Variants in SYNJ2 observed in about 807,000 individuals in gnomAD.
The protein encoded by SYNJ2 is synaptojanin 2, also known as polyphosphatidylinositol phosphatase SYNJ2.
Under a neutral mutation model 141.3 loss-of-function variants are expected in SYNJ2, and 116 were observed. The ratio of observed to expected loss-of-function variants is 0.82; its 90% CI spans 0.71 to 0.96. The LOEUF (loss-of-function observed/expected upper bound fraction) is 0.96. Among genes scored for constraint, SYNJ2 ranks in the 40% least tolerant of loss-of-function variants. The probability of loss-of-function intolerance (pLI) is 0.00; values close to 1 mark genes in which losing one functional copy is unlikely to be tolerated. For synonymous variants in SYNJ2, 745 were observed against 777.7 expected, an observed-to-expected ratio of 0.96 and a Z score of 0.70; for missense variants, 1,873 against 1,934.8, an observed-to-expected ratio of 0.97 and a Z score of 0.60.
rs1783752548 is a variant in SYNJ2, at chr6:158,095,674, C to T, written c.3801C>T (p.Pro1267=). ...AGACTGTCCATTTTACAATCGGGCCCCCGGAGACAAGCGTTGAGGCCCCTC... is the reference window on the plus strand; with the variant it reads ...AGACTGTCCATTTTACAATCGGGCCTCCGGAGACAAGCGTTGAGGCCCCTC... ...EQQTVHFTIG[P]PETSVEAPPV... is the part of the protein sequence containing the mutation. Residue 1267 remains proline (P), a synonymous_variant, in exon 27 of 27, where the codon CCC becomes CCT. Coordinates refer to ENST00000355585, the MANE Select transcript of SYNJ2 (RefSeq NM_003898.4). The T allele has an allele frequency of 1.9e-6, 3 of 1,613,612 alleles. No homozygotes were observed. Among genetic ancestry groups the T allele is most frequent in the East Asian group, 2.2e-5 (1 of 44,878 alleles).
At chr6:158,016,174 C>G (rs774194530) in intron 1 of SYNJ2, among the ~76,000 whole-genome samples, 1 of 152,158 alleles carries the variant, frequency 6.6e-6, no homozygotes, top group Non-Finnish European at 1.5e-5. Flanking sequence ...AGTGCAGTGG[C>G]GTAATTTCGG....
rs117002201 is a variant in SYNJ2, at chr6:157,998,148, G to A, written c.127+16060G>A. Reference sequence around the variant, plus strand: ...TGCTGCTCTGCTTCCAGGGGAGCGAGGGGTCTTCCTGGCAGTTTTTGCAGG... The same window carrying A: ...TGCTGCTCTGCTTCCAGGGGAGCGAAGGGTCTTCCTGGCAGTTTTTGCAGG... On this transcript the variant is annotated intron_variant, in intron 1 of 26. Transcript: ENST00000355585. Among the ~76,000 whole-genome samples, 536 of 152,332 alleles carry A rather than the reference G, an allele frequency of 3.5e-3. 1 individual carries two copies. Among genetic ancestry groups the A allele is most frequent in the Admixed American group, 6.8e-3 (104 of 15,304 alleles).
chr6:158,026,827 G>T (rs1170637210), intron 2 of SYNJ2: 1 of 985,308 alleles, frequency 1.0e-6, no homozygotes, highest in African/African-American at 1.7e-5. Context: ...CACTGTGTCA[G>T]AAGAGGCAGG....
rs1270675156 is a variant in SYNJ2 at position 157,982,811 on chromosome 6, G to A, written c.127+723G>A. ...GATGAGCAAACTGAGGCCTAAAGAG[G>A]CTAAGTTGCTTGCCAAGGTGACACC... On this transcript the variant is annotated intron_variant, in intron 1 of 26. Coordinates refer to ENST00000355585, the MANE Select transcript of SYNJ2 (RefSeq NM_003898.4). This position sits in a 1 kb window ranked among gnomAD's most constrained non-coding sequence, Gnocchi z 4.0. Among the ~76,000 whole-genome samples, 1 of 152,180 alleles carries A rather than the reference G, an allele frequency of 6.6e-6. No homozygotes were observed. The highest frequency in any genetic ancestry group is 2.4e-5 in the African/African-American group (1 of 41,426).
intron 18 of SYNJ2, chr6:158,079,258 G>T (rs1000668988): frequency 6.6e-6 from 1 of 152,222 alleles, no homozygotes; most frequent in Non-Finnish European, 1.5e-5. Flanking sequence ...GATGGCATTT[G>T]AGGGTGTGAA....
intron 1 of SYNJ2, among the ~76,000 whole-genome samples, chr6:157,999,372 A>T (rs1218054764): frequency 6.6e-6 from 1 of 152,216 alleles, no homozygotes; most frequent in Admixed American, 6.5e-5. Flanking sequence ...TCCTGGCTTC[A>T]TGGCCATGCC....
rs932556462 is a variant in SYNJ2 at position 158,062,170 on chromosome 6, G to T, written c.1127+6G>T. On this transcript the variant is annotated splice_donor_region_variant and intron_variant, in intron 8 of 26. Transcript: ENST00000355585. ...GGGGAGAACGTCAGTCCACGGTGAG[G>T]CTCGCTGCGCACTGTGCCGCGTCTT... is the stretch of plus-strand genomic sequence containing the variant. 1.2e-6 allele frequency: 2 copies of T among 1,611,894 alleles called. No homozygotes were observed. Among genetic ancestry groups the T allele is most frequent in the East Asian group, 4.5e-5 (2 of 44,842 alleles).
rs539449191 is a variant in SYNJ2, at chr6:158,028,493, C to A, written c.215-263C>A. The stretch of plus-strand genomic sequence containing the variant: ...TTGCCCCCAGCCTCAGGCAGCTGGG[C>A]GGCAGGAATCTGCATGTCTAACAGG... On this transcript the variant is annotated intron_variant, in intron 2 of 26. Coordinates refer to ENST00000355585, the MANE Select transcript of SYNJ2 (RefSeq NM_003898.4). 1.4e-3 allele frequency: 717 copies of A among 521,068 alleles called. 14 individuals are homozygous for A. The highest frequency in any genetic ancestry group is 0.013 in the South Asian group (564 of 42,214). The allele number at this position is 521,068 out of a possible 1,614,324, so 32.3% of individuals were successfully genotyped here. A position where few individuals can be genotyped will look rare whatever the true frequency, so the allele number is the denominator to read the frequency against.
chr6:158,047,183 T>C (rs968484743), intron 5 of SYNJ2, among the ~76,000 whole-genome samples: 12 of 152,138 alleles, frequency 7.9e-5, no homozygotes, highest in African/African-American at 2.7e-4. Flanking sequence ...AAGAGTCGAA[T>C]TGGTGCCCAC....
At chr6:158,042,323 G>A (rs1201355153) in intron 4 of SYNJ2, among the ~76,000 whole-genome samples, 1 of 152,224 alleles carries the variant, frequency 6.6e-6, no homozygotes, top group Admixed American at 6.5e-5. Flanking sequence ...TGTAATTCCT[G>A]TGGCCCAGGG....
At chr6:158,077,106 C>A (rs1423493004) in intron 17 of SYNJ2, among the ~76,000 whole-genome samples, 1 of 152,090 alleles carries the variant, frequency 6.6e-6, no homozygotes, top group Non-Finnish European at 1.5e-5. Context: ...AGCCATTCTC[C>A]TGCCTCAGCC....
At chr6:158,010,848 C>G (rs1163272420) in intron 1 of SYNJ2, among the ~76,000 whole-genome samples, 1 of 125,688 alleles carries the variant, frequency 8.0e-6, no homozygotes, top group Non-Finnish European at 1.6e-5. Context: ...CACGTGACAA[C>G]AGGGGGATGT....
At chr6:158,060,427 C>G (rs1291965259) in intron 7 of SYNJ2, among the ~76,000 whole-genome samples, 1 of 152,196 alleles carries the variant, frequency 6.6e-6, no homozygotes, top group African/African-American at 2.4e-5. Context: ...ATGTCCCCTG[C>G]CTAATAGAGA....
chr6:158,081,373 G>A, intron 19 of SYNJ2, 46 bp downstream of exon 19: 1 of 1,613,064 alleles, frequency 6.2e-7, no homozygotes, highest in Non-Finnish European at 8.5e-7. Context: ...ATGTCGATGA[G>A]GATCCGTGAG....
At chr6:158,002,626 C>G (rs951868196) in intron 1 of SYNJ2, among the ~76,000 whole-genome samples, 8 of 152,204 alleles carry the variant, frequency 5.3e-5, no homozygotes, top group Admixed American at 5.2e-4. Context: ...CAGGACTTCC[C>G]TGGTGGCTAG....
At chr6:158,055,556 A>G (rs1028446965) in intron 6 of SYNJ2, among the ~76,000 whole-genome samples, 2 of 151,604 alleles carry the variant, frequency 1.3e-5, no homozygotes, top group African/African-American at 4.9e-5. Context: ...CACAAATTGG[A>G]TCATAACACA....
At chr6:158,003,489 A>C (rs1311865774) in intron 1 of SYNJ2, among the ~76,000 whole-genome samples, 1 of 152,168 alleles carries the variant, frequency 6.6e-6, no homozygotes, top group Non-Finnish European at 1.5e-5. Context: ...CACATGAAGG[A>C]GACTTTGGCC....
intron 5 of SYNJ2, among the ~76,000 whole-genome samples, chr6:158,045,343 C>T (rs1296365223): frequency 5.3e-5 from 8 of 152,198 alleles, no homozygotes; most frequent in East Asian, 1.9e-4. Context: ...CTCCTGACTT[C>T]AGGTGATCCA....
intron 1 of SYNJ2, among the ~76,000 whole-genome samples, chr6:158,015,331 G>A (rs960519559): frequency 6.6e-6 from 1 of 152,226 alleles, no homozygotes; most frequent in Non-Finnish European, 1.5e-5. Context: ...ATGAGGTAGA[G>A]AGGGAACCAG....
Sources: allele counts gnomAD v4.1 joint callset (sites outside exome capture counted in the v4.1 genomes callset), GRCh38; gene constraint gnomAD v4.1.1; non-coding constraint Gnocchi (gnomAD v3.1); transcripts MANE v1.5; gene names NCBI Gene and HGNC (gene_info 2026-07-23, HGNC 2026-07-21).